Variants in SPATA9 observed in about 807,000 individuals in gnomAD.
The protein encoded by SPATA9 is spermatogenesis associated 9, also known as spermatogenesis-associated protein 9.
In SPATA9, 27 loss-of-function variants were observed where a neutral mutation model predicts 25.5. That is an observed-to-expected ratio of 1.06 (90% CI 0.78 to 1.46). The LOEUF (loss-of-function observed/expected upper bound fraction) is 1.46. SPATA9 is among the 40% of genes most tolerant of loss of function. The pLI, the probability that SPATA9 is intolerant of heterozygous loss-of-function variation, is 0.00. For missense variants in SPATA9, 282 were observed against 297.5 expected (o/e 0.95, Z 0.38); for synonymous variants, 102 against 105.7 (o/e 0.97, Z 0.21).
intron 2 of SPATA9, 140 bp downstream of exon 2, chr5:95,682,388 A>C: frequency 1.6e-6 from 1 of 612,660 alleles, no homozygotes; most frequent in Admixed American, 3.3e-5. Flanking sequence ...TAATATTTGA[A>C]ATTTGTTTTT....
chr5:95,711,930 C>T, the SPATA9 span, among the ~76,000 whole-genome samples: 4 of 152,322 alleles, frequency 2.6e-5, no homozygotes, highest in African/African-American at 9.6e-5. Flanking sequence ...TTCAGAGGGC[C>T]ACCCAACTCC....
chr5:95,719,618 T>A, the SPATA9 span: 1 of 152,204 alleles, frequency 6.6e-6, no homozygotes, highest in Non-Finnish European at 1.5e-5. Flanking sequence ...AAAACATATA[T>A]ACATTACATG....
the SPATA9 span, among the ~76,000 whole-genome samples, chr5:95,705,578 G>A: frequency 9.6e-4 from 146 of 152,224 alleles, no homozygotes; most frequent in Middle Eastern, 3.4e-3. Context: ...TGGTAATAAT[G>A]TGTATGAAGT....
intron 1 of SPATA9, among the ~76,000 whole-genome samples, chr5:95,693,614 T>A (rs921173763): frequency 6.6e-6 from 1 of 152,202 alleles, no homozygotes; most frequent in Non-Finnish European, 1.5e-5. Flanking sequence ...CTTGCTCACA[T>A]TTTGAGATGA....
At chr5:95,697,579 G>T (rs937154391) in intron 1 of SPATA9, among the ~76,000 whole-genome samples, 4 of 152,204 alleles carry the variant, frequency 2.6e-5, no homozygotes, top group Admixed American at 2.6e-4. Context: ...CAATCAAGGG[G>T]AGGGAAGGTA....
At chr5:95,693,604 C>G (rs975342263) in intron 1 of SPATA9, among the ~76,000 whole-genome samples, 2 of 152,182 alleles carry the variant, frequency 1.3e-5, no homozygotes, top group Non-Finnish European at 2.9e-5. Context: ...TCATTAGTAA[C>G]TTGCTCACAT....
At chr5:95,653,023 G>T (rs1419605890) in exon 9 of SPATA9, 2 of 1,509,586 alleles carry the variant, frequency 1.3e-6, no homozygotes, top group Non-Finnish European at 1.8e-6. Context: ...GCTCCTGCCT[G>T]TTTACCAATC....
chr5:95,663,731 ATAAACT>A (rs1751490597), intron 4 of SPATA9, among the ~76,000 whole-genome samples: 1 of 152,210 alleles, frequency 6.6e-6, no homozygotes, highest in African/African-American at 2.4e-5. Context: ...TCAAGTGGTA[ATAAACT>A]TTATGAAAAT....
intron 2 of SPATA9, among the ~76,000 whole-genome samples, chr5:95,678,205 C>T (rs1753123202): frequency 1.3e-5 from 2 of 152,090 alleles, no homozygotes; most frequent in South Asian, 2.1e-4. Flanking sequence ...GGTGAAACCC[C>T]ATCTCTACTA....
chr5:95,731,556 G>A, the SPATA9 span: 1 of 1,466,332 alleles, frequency 6.8e-7, no homozygotes, highest in Non-Finnish European at 9.0e-7. Context: ...CCGCCGCGGT[G>A]GAGGCGCGCG....
intron 1 of SPATA9, among the ~76,000 whole-genome samples, chr5:95,693,645 G>T (rs1043065555): frequency 2.0e-5 from 3 of 152,122 alleles, no homozygotes; most frequent in Admixed American, 1.3e-4. Context: ...CCTGCATTCT[G>T]CAACACTTGA....
chr5:95,730,557 C>A, the SPATA9 span, among the ~76,000 whole-genome samples: 1 of 152,120 alleles, frequency 6.6e-6, no homozygotes, highest in African/African-American at 2.4e-5. Context: ...AGTTGGTCTG[C>A]GGAGCTATTA....
At chr5:95,664,785 G>T (rs1017721649) in intron 3 of SPATA9, among the ~76,000 whole-genome samples, 1 of 152,174 alleles carries the variant, frequency 6.6e-6, no homozygotes, top group Non-Finnish European at 1.5e-5. Flanking sequence ...AGGCTCCTCT[G>T]AAGTAAGAGC....
At chr5:95,677,420 CAG>C (rs1753041625) in intron 2 of SPATA9, among the ~76,000 whole-genome samples, 1 of 152,182 alleles carries the variant, frequency 6.6e-6, no homozygotes, top group Non-Finnish European at 1.5e-5. Context: ...AGAAACCACA[CAG>C]AAAGTTTTCA....
downstream of SPATA9, chr5:95,657,269 C>T (rs980702424): frequency 6.6e-6 from 1 of 151,944 alleles, no homozygotes; most frequent in Non-Finnish European, 1.5e-5. Flanking sequence ...CTGGTTTTAT[C>T]ATGTCAGTTA....
At chr5:95,731,997 C>T in the SPATA9 span, 1 of 1,614,154 alleles carries the variant, frequency 6.2e-7, no homozygotes, top group Non-Finnish European at 8.5e-7. Context: ...TGAACGCGGC[C>T]AGCACGGTCG....
At chr5:95,660,179 A>G (rs1221666146) in intron 4 of SPATA9, among the ~76,000 whole-genome samples, 2 of 152,100 alleles carry the variant, frequency 1.3e-5, no homozygotes, top group Non-Finnish European at 2.9e-5. Context: ...GGGTCTGGTG[A>G]GGGCTGGTTT....
chr5:95,701,900 A>C (rs1314206501), upstream of SPATA9, among the ~76,000 whole-genome samples: 1 of 152,226 alleles, frequency 6.6e-6, no homozygotes, highest in Non-Finnish European at 1.5e-5. Context: ...TTTCTAATTC[A>C]GTAATGTTCT....
chr5:95,682,015 C>G (rs995186970), intron 2 of SPATA9, among the ~76,000 whole-genome samples: 1 of 152,152 alleles, frequency 6.6e-6, no homozygotes, highest in Non-Finnish European at 1.5e-5. Context: ...ATATATACCT[C>G]CCTCCTCTTT....
Sources: allele counts gnomAD v4.1 joint callset (sites outside exome capture counted in the v4.1 genomes callset), GRCh38; gene constraint gnomAD v4.1.1; transcripts MANE v1.5; gene names NCBI Gene and HGNC (gene_info 2026-07-23, HGNC 2026-07-21).